The following PTPRO variants were observed in gnomAD, a reference collection of about 807,000 sequenced individuals.
PTPRO encodes the protein protein tyrosine phosphatase receptor type O.
Under a neutral mutation model 145.2 loss-of-function variants are expected in PTPRO, and 62 were observed. The ratio of observed to expected loss-of-function variants is 0.43; its 90% CI spans 0.35 to 0.53. The LOEUF (loss-of-function observed/expected upper bound fraction) is 0.53. Among genes scored for constraint, PTPRO ranks in the 20% least tolerant of loss-of-function variants. The pLI is 0.01. For missense variants in PTPRO, 1,345 were observed against 1,482.7 expected, an observed-to-expected ratio of 0.91 and a Z score of 1.53; for synonymous variants, 565 against 514.7, an observed-to-expected ratio of 1.10 and a Z score of -1.32.
chr12:15,530,078 T>C (rs1043645513), intron 12 of PTPRO, among the ~76,000 whole-genome samples: 11 of 152,318 alleles, frequency 7.2e-5, no homozygotes, highest in African/African-American at 2.4e-4. Context: ...GATGTAGCTA[T>C]GCTTATATTA....
chr12:15,420,839 T>C (rs1192155652), intron 1 of PTPRO, among the ~76,000 whole-genome samples: 2 of 152,206 alleles, frequency 1.3e-5, no homozygotes, highest in African/African-American at 4.8e-5. Context: ...TAATAGTTTC[T>C]ACCTCACGGG....
chr12:15,354,690 A>G (rs1937927867), intron 1 of PTPRO, among the ~76,000 whole-genome samples: 1 of 152,184 alleles, frequency 6.6e-6, no homozygotes. Flanking sequence ...GGAGCCATAT[A>G]AAAAAGGTTT....
intron 1 of PTPRO, among the ~76,000 whole-genome samples, chr12:15,366,998 A>G (rs1245122222): frequency 2.0e-5 from 3 of 152,202 alleles, no homozygotes; most frequent in African/African-American, 7.2e-5. Context: ...GGAGACAATA[A>G]AATAACTCTG....
intron 1 of PTPRO, among the ~76,000 whole-genome samples, chr12:15,481,925 A>G (rs1199450765): frequency 2.0e-5 from 3 of 152,190 alleles, no homozygotes; most frequent in Non-Finnish European, 2.9e-5. Context: ...AAATTAGTTC[A>G]GCCATTATGG....
Position 15,415,596 on chromosome 12 carries a change from A to G in PTPRO, c.76-68378A>G, listed in dbSNP as rs192150146. On this transcript the variant is annotated intron_variant, in intron 1 of 26. Transcript: ENST00000281171. Reference sequence around the variant, plus strand: ...AGACGGGGTTTCACTCATGTTAGCCAGGATGGTCTCGATCTCCCGACCTTG... The same window carrying G: ...AGACGGGGTTTCACTCATGTTAGCCGGGATGGTCTCGATCTCCCGACCTTG... 3.6e-4 allele frequency among the ~76,000 whole-genome samples: 55 copies of G among 151,724 alleles called. 2 individuals carry two copies. The East Asian group carries it at 8.5e-3, about 23-fold the overall frequency.
intron 6 of PTPRO, among the ~76,000 whole-genome samples, chr12:15,507,289 T>A (rs1019250777): frequency 6.6e-6 from 1 of 151,990 alleles, no homozygotes; most frequent in Admixed American, 6.6e-5. Context: ...GGTGGGCACC[T>A]GTAATCCCAG....
chr12:15,322,831 A>C lies in PTPRO; in HGVS notation c.75+30A>C. 6.2e-7 allele frequency: 1 copy of C among 1,602,288 alleles called. No individual in the cohort carries two copies. Among genetic ancestry groups the C allele is most frequent in the Non-Finnish European group, 8.5e-7 (1 of 1,174,818 alleles). On this transcript the variant is annotated intron_variant, in intron 1 of 26. Coordinates refer to ENST00000281171, the MANE Select transcript of PTPRO (RefSeq NM_030667.3). This position sits in a 1 kb window ranked among gnomAD's most constrained non-coding sequence, Gnocchi z 6.3. ...GGGAGCTCCTCCACCCCTTTTTCCC[A>C]GCGGTCCGGGCGGCAGCCGCGCTCC...
chr12:15,570,560 C>G (rs889648825), intron 19 of PTPRO, among the ~76,000 whole-genome samples: 6 of 152,146 alleles, frequency 3.9e-5, no homozygotes, highest in Non-Finnish European at 8.8e-5. Flanking sequence ...AAATTCCACA[C>G]AGAGCCTGCT....
chr12:15,436,100 C>A (rs888957452), intron 1 of PTPRO, among the ~76,000 whole-genome samples: 2 of 152,150 alleles, frequency 1.3e-5, no homozygotes, highest in Non-Finnish European at 2.9e-5. Flanking sequence ...CACAACATAC[C>A]AGAATCTTTG....
intron 1 of PTPRO, among the ~76,000 whole-genome samples, chr12:15,436,834 A>G (rs1227106864): frequency 1.3e-5 from 2 of 152,296 alleles, no homozygotes; most frequent in East Asian, 3.9e-4. Context: ...GTGTCTCAGC[A>G]GTAGTCTCTG....
At chr12:15,411,817 G>A (rs921813538) in intron 1 of PTPRO, among the ~76,000 whole-genome samples, 5 of 152,158 alleles carry the variant, frequency 3.3e-5, no homozygotes, top group Non-Finnish European at 5.9e-5. Context: ...TATTTGCTAC[G>A]AAGACTCAAG....
chr12:15,399,548 G>A (rs976314492), intron 1 of PTPRO, among the ~76,000 whole-genome samples: 2 of 152,110 alleles, frequency 1.3e-5, no homozygotes, highest in Non-Finnish European at 2.9e-5. Flanking sequence ...GAAGGCAGGG[G>A]CCATTTCTGT....
At chr12:15,362,819 A>G (rs1938250463) in intron 1 of PTPRO, among the ~76,000 whole-genome samples, 1 of 152,224 alleles carries the variant, frequency 6.6e-6, no homozygotes, top group Non-Finnish European at 1.5e-5. Flanking sequence ...TATTAATAAA[A>G]TTGTGTGAAA....
intron 1 of PTPRO, among the ~76,000 whole-genome samples, chr12:15,469,784 A>AAAAT (rs1941498970): frequency 6.6e-6 from 1 of 151,944 alleles, no homozygotes; most frequent in Non-Finnish European, 1.5e-5. Context: ...AAAAAAAAAA[A>AAAAT]AAATACAGCT....
rs769134771 is a variant in PTPRO, at chr12:15,515,634, C to A, written c.1585+16C>A. The stretch of plus-strand genomic sequence containing the variant: ...TTTGCTATTGGTAAGTTGCTAGCCA[C>A]AAGAAGAATGACTGACCTATATATT... On this transcript the variant is annotated intron_variant, in intron 8 of 26. Transcript: ENST00000281171. 4 of 1,613,812 alleles carry A rather than the reference C, an allele frequency of 2.5e-6. No homozygotes were observed. Among genetic ancestry groups the A allele is most frequent in the East Asian group, 2.2e-5 (1 of 44,860 alleles).
At chr12:15,343,841 G>A (rs953148765) in intron 1 of PTPRO, among the ~76,000 whole-genome samples, 16 of 152,170 alleles carry the variant, frequency 1.1e-4, no homozygotes, top group African/African-American at 3.1e-4. Flanking sequence ...CTGCCACCAC[G>A]CCCAGCTAAT....
rs116718091 is a variant in PTPRO, at chr12:15,360,400, G to A, written c.75+37599G>A. 3.5e-3 allele frequency among the ~76,000 whole-genome samples: 535 copies of A among 152,170 alleles called. 1 individual carries two copies. Among genetic ancestry groups the A allele is most frequent in the African/African-American group, 0.011 (445 of 41,504 alleles). On this transcript the variant is annotated intron_variant, in intron 1 of 26. Coordinates refer to ENST00000281171, the MANE Select transcript of PTPRO (RefSeq NM_030667.3). ...GCATATAGTGATACACTCTGTCTCC[G>A]CTGTAAAAGAATAAAAATAAAATAT... is the stretch of plus-strand genomic sequence containing the variant.
chr12:15,336,359 A>G (rs890294368), intron 1 of PTPRO, among the ~76,000 whole-genome samples: 6 of 152,188 alleles, frequency 3.9e-5, no homozygotes, highest in African/African-American at 1.4e-4. Flanking sequence ...CCATATGTCA[A>G]GGTCAATTGC....
chr12:15,365,690 A>G lies in PTPRO; in HGVS notation c.75+42889A>G, dbSNP rs191800381. The stretch of plus-strand genomic sequence containing the variant: ...ATCTGACATAATGTATTTAAAAACT[A>G]GTTCTTCTTTCTTCATTCTGTCTAC... On this transcript the variant is annotated intron_variant, in intron 1 of 26. Transcript: ENST00000281171. Among the ~76,000 whole-genome samples, 7 of 152,262 alleles carry G rather than the reference A, an allele frequency of 4.6e-5. No homozygotes were observed. The East Asian group carries it at 1.3e-3, about 29-fold the overall frequency.
Sources: gnomAD v4.1 joint callset for allele counts (sites outside exome capture counted in the v4.1 genomes callset) on GRCh38, gnomAD v4.1.1 for gene constraint, Gnocchi (gnomAD v3.1) non-coding constraint, MANE v1.5 for transcripts, NCBI Gene and HGNC (gene_info 2026-07-23, HGNC 2026-07-21) for gene names.